Variants in CCDC7 observed in about 807,000 individuals in gnomAD.
CCDC7 encodes coiled-coil domain containing 7, also known as coiled-coil domain-containing protein 7.
CCDC7 carries 183 observed loss-of-function variants against 196.9 expected under a neutral mutation model. That is an observed-to-expected ratio of 0.93 (90% CI 0.82 to 1.05). CCDC7 has a LOEUF of 1.05. Ranked by LOEUF, CCDC7 falls within the 50% of genes least tolerant of loss-of-function variation. CCDC7 has a pLI of 0.00. For missense variants in CCDC7, 1,540 were observed against 1,482.2 expected, an observed-to-expected ratio of 1.04 and a Z score of -0.64; for synonymous variants, 525 against 484.6, an observed-to-expected ratio of 1.08 and a Z score of -1.10.
intron 18 of CCDC7, among the ~76,000 whole-genome samples, chr10:32,615,522 G>GT (rs1276224425): frequency 2.6e-5 from 4 of 151,600 alleles, no homozygotes; most frequent in Non-Finnish European, 4.4e-5. Context: ...CCTTTTAAAT[G>GT]TTTTTTTTCT....
chr10:32,751,034 A>G (rs1226572219), intron 28 of CCDC7, among the ~76,000 whole-genome samples: 2 of 152,134 alleles, frequency 1.3e-5, no homozygotes, highest in African/African-American at 4.8e-5. Context: ...CATTTCTATA[A>G]CTAGTTATGA....
intron 28 of CCDC7, among the ~76,000 whole-genome samples, chr10:32,774,676 T>A (rs573428106): frequency 6.6e-6 from 1 of 152,196 alleles, no homozygotes; most frequent in Non-Finnish European, 1.5e-5. Context: ...CTGGGAGATC[T>A]TCTAGTCTGC....
downstream of CCDC7, among the ~76,000 whole-genome samples, chr10:32,877,524 G>T (rs900407133): frequency 6.6e-6 from 1 of 152,190 alleles, no homozygotes; most frequent in East Asian, 1.9e-4. Flanking sequence ...AATGGGTGGT[G>T]ATTGTTAGGG....
intron 13 of CCDC7, among the ~76,000 whole-genome samples, chr10:32,545,264 C>T (rs1259754813): frequency 6.6e-6 from 1 of 152,194 alleles, no homozygotes; most frequent in East Asian, 1.9e-4. Flanking sequence ...AAGGGAGCTA[C>T]TGGCAGAAAT....
intron 21 of CCDC7, among the ~76,000 whole-genome samples, chr10:32,676,387 A>C (rs916679905): frequency 2.0e-5 from 3 of 152,010 alleles, no homozygotes; most frequent in African/African-American, 7.2e-5. Flanking sequence ...ATTAAACTGA[A>C]GAGCTTCTGT....
At chr10:32,516,038 T>C (rs1283017071) in intron 9 of CCDC7, among the ~76,000 whole-genome samples, 1 of 151,678 alleles carries the variant, frequency 6.6e-6, no homozygotes, top group Non-Finnish European at 1.5e-5. Context: ...AATTAAAAAC[T>C]CTTGTGCTGC....
intron 33 of CCDC7, among the ~76,000 whole-genome samples, chr10:32,836,598 C>T (rs2092621470): frequency 6.6e-6 from 1 of 152,132 alleles, no homozygotes; most frequent in Admixed American, 6.6e-5. Flanking sequence ...GATGGTATCT[C>T]ATTGTGGTTT....
chr10:32,830,127 T>TATATACATATATATATATATATATAC (rs979846508), intron 32 of CCDC7, among the ~76,000 whole-genome samples: 1 of 105,716 alleles, frequency 9.5e-6, no homozygotes, highest in African/African-American at 2.9e-5. Context: ...TAAGGATATA[T>TATATACATATATATATATATATATAC]ATATATATAT....
At chr10:32,586,982 T>C (rs546156746) in intron 18 of CCDC7, among the ~76,000 whole-genome samples, 1 of 152,226 alleles carries the variant, frequency 6.6e-6, no homozygotes, top group African/African-American at 2.4e-5. Context: ...ATATTCATTA[T>C]TATCTAAAGA....
intron 28 of CCDC7, among the ~76,000 whole-genome samples, chr10:32,738,601 G>T (rs534936445): frequency 6.8e-6 from 1 of 147,734 alleles, no homozygotes; most frequent in East Asian, 2.1e-4. Context: ...CAGCCTCCAA[G>T]TACCTGGGAC....
chr10:32,789,428 G>T (rs994166439), intron 29 of CCDC7, among the ~76,000 whole-genome samples: 1 of 151,700 alleles, frequency 6.6e-6, no homozygotes, highest in African/African-American at 2.4e-5. Context: ...TAGAGCTAAA[G>T]AACTCAATGA....
chr10:32,725,449 G>A (rs949610901), intron 25 of CCDC7: 4 of 463,920 alleles, frequency 8.6e-6, no homozygotes, highest in Non-Finnish European at 1.3e-5. Context: ...CCATATATTA[G>A]GTTAGTTTCC....
intron 41 of CCDC7, among the ~76,000 whole-genome samples, chr10:32,868,241 T>A (rs2094281221): frequency 6.6e-6 from 1 of 152,010 alleles, no homozygotes; most frequent in Non-Finnish European, 1.5e-5. Flanking sequence ...TGTACAAATA[T>A]TTGTTCCTGT....
chr10:32,464,358 T>G (rs2036320091), intron 5 of CCDC7, among the ~76,000 whole-genome samples: 1 of 152,216 alleles, frequency 6.6e-6, no homozygotes. Flanking sequence ...TCCTGCTACC[T>G]AACACAATAT....
chr10:32,797,584 G>A (rs545556659), intron 29 of CCDC7, among the ~76,000 whole-genome samples: 1 of 147,456 alleles, frequency 6.8e-6, no homozygotes, highest in Non-Finnish European at 1.5e-5. Flanking sequence ...CGTCTGATGG[G>A]CGCACCAAAA....
chr10:32,570,287 C>A (rs2057386116), intron 15 of CCDC7, among the ~76,000 whole-genome samples: 1 of 152,090 alleles, frequency 6.6e-6, no homozygotes, highest in Non-Finnish European at 1.5e-5. Context: ...AATTATTATC[C>A]ATCAAATTCT....
At chr10:32,741,498 G>A (rs2085834507) in intron 28 of CCDC7, among the ~76,000 whole-genome samples, 1 of 152,216 alleles carries the variant, frequency 6.6e-6, no homozygotes, top group South Asian at 2.1e-4. Flanking sequence ...CCTGTAGTTG[G>A]CCCTGTGGAA....
At chr10:32,458,128 C>T (rs532093324) in intron 3 of CCDC7, among the ~76,000 whole-genome samples, 1 of 152,174 alleles carries the variant, frequency 6.6e-6, no homozygotes, top group East Asian at 1.9e-4. Flanking sequence ...AGCATTTCCT[C>T]TATGTTTCCT....
intron 31 of CCDC7, among the ~76,000 whole-genome samples, chr10:32,820,142 A>C (rs1198644968): frequency 6.6e-6 from 1 of 152,246 alleles, no homozygotes; most frequent in Non-Finnish European, 1.5e-5. Flanking sequence ...ATCAATGTGC[A>C]AAAATCACAA....
Sources: gnomAD v4.1 joint callset for allele counts (sites outside exome capture counted in the v4.1 genomes callset) on GRCh38, gnomAD v4.1.1 for gene constraint, MANE v1.5 for transcripts, NCBI Gene and HGNC (gene_info 2026-07-23, HGNC 2026-07-21) for gene names.